Variants in NSDHL observed in about 807,000 individuals in gnomAD.
The protein encoded by NSDHL is NAD(P) dependent 3-beta-hydroxysteroid dehydrogenase NSDHL.
A neutral mutation model predicts 23.0 loss-of-function variants in NSDHL; 1 was observed. The observed-to-expected ratio is 0.04, with a 90% CI of 0.02 to 0.21. NSDHL has a LOEUF of 0.21. Ranked by LOEUF, NSDHL falls within the 10% of genes least tolerant of loss-of-function variation. The pLI, the probability that NSDHL is intolerant of heterozygous loss-of-function variation, is 1.00. For synonymous variants in NSDHL, 128 were observed against 121.1 expected (o/e 1.06, Z -0.37); for missense variants, 237 against 300.9 (o/e 0.79, Z 1.57).
At chrX:152,863,828 G>A (rs1933564695) in intron 5 of NSDHL, among the ~76,000 whole-genome samples, 1 of 111,906 alleles carries the variant, frequency 8.9e-6, no homozygotes, top group Middle Eastern at 4.2e-3. Context: ...AGGTTTTCTC[G>A]CAAAGCCGGT....
At chrX:152,844,548 C>T (rs1556845297) in intron 1 of NSDHL, among the ~76,000 whole-genome samples, 3 of 112,802 alleles carry the variant, frequency 2.7e-5, no homozygotes, top group African/African-American at 9.7e-5. Context: ...GAGCCATCTC[C>T]TTGCCCCTGT....
At chrX:152,854,041 A>T (rs1168913868) in intron 3 of NSDHL, among the ~76,000 whole-genome samples, 1 of 112,500 alleles carries the variant, frequency 8.9e-6, no homozygotes, top group African/African-American at 3.2e-5. Flanking sequence ...TTGTTTTTCG[A>T]TCACTGCTTT....
At chrX:152,860,855 G>A (rs914896916) in intron 4 of NSDHL, among the ~76,000 whole-genome samples, 4 of 112,388 alleles carry the variant, frequency 3.6e-5, no homozygotes, top group Non-Finnish European at 7.5e-5. Flanking sequence ...TGTAGCCATG[G>A]ATAGCAATTC....
intron 1 of NSDHL, among the ~76,000 whole-genome samples, chrX:152,839,430 C>T (rs782677717): frequency 1.8e-5 from 2 of 112,321 alleles, no homozygotes; most frequent in African/African-American, 6.5e-5. Flanking sequence ...TTTGCAGTGG[C>T]TGGTACCAGT....
chrX:152,857,856 A>C (rs1192037539), intron 3 of NSDHL, among the ~76,000 whole-genome samples: 5 of 112,104 alleles, frequency 4.5e-5, no homozygotes, highest in African/African-American at 1.6e-4. Flanking sequence ...GTTTCAAAAA[A>C]AAAATCATGT....
intron 7 of NSDHL, among the ~76,000 whole-genome samples, chrX:152,868,144 C>CTT (rs369750154): frequency 2.0e-5 from 2 of 98,272 alleles, no homozygotes; most frequent in South Asian, 4.5e-4. Context: ...TTTTTTTTTT[C>CTT]TTTTTTTTTT....
At chrX:152,835,757 C>T (rs782005539) in intron 1 of NSDHL, among the ~76,000 whole-genome samples, 105 of 111,906 alleles carry the variant, frequency 9.4e-4, no homozygotes, top group African/African-American at 2.6e-3. Context: ...CCACAATAAA[C>T]ATATGTGTGC....
chrX:152,858,905 G>A lies in NSDHL; in HGVS notation c.403G>A (p.Ala135Thr). 7 of 1,208,519 alleles carry A rather than the reference G, an allele frequency of 5.8e-6. No homozygotes were observed. The highest frequency in any genetic ancestry group is 5.2e-5 in the African/African-American group (3 of 57,734). Residue 135 changes from alanine to threonine, a missense_variant, in exon 4 of 8, where the codon GCT becomes ACT. By Grantham distance (58) the Ala-to-Thr change is moderately conservative. This residue lies in a region of NSDHL where 81 missense variants were observed against 103.3 expected (regional missense o/e 0.78). Transcript: ENST00000370274. ...TKNVIETCKE[A>T]GVQKLILTSS... ...GAATGTCATTGAAACTTGCAAAGAG[G>A]CTGGGGTTCAGGTAAGGGGAAGGCT...
Position 152,869,179 on chromosome X carries a change from T to C in NSDHL, c.*63T>C. The C allele has an allele frequency of 1.1e-6, 1 of 934,034 alleles. No homozygotes were observed. Among genetic ancestry groups the C allele is most frequent in the East Asian group, 3.2e-5 (1 of 31,598 alleles). The allele number at this position is 934,034 out of a possible 1,213,427, so 77.0% of individuals were successfully genotyped here. ...AGCCAGTCACTCCTTCCCCTGTGGA[T>C]TGATGAAATAACATCCTTTGAATGA... is the stretch of plus-strand genomic sequence containing the variant. On this transcript the variant is annotated 3_prime_UTR_variant, in exon 8 of 8. Transcript: ENST00000370274.
chrX:152,836,937 A>G, intron 1 of NSDHL, among the ~76,000 whole-genome samples: 1 of 112,368 alleles, frequency 8.9e-6, no homozygotes, highest in African/African-American at 3.2e-5. Flanking sequence ...ATTCATGAGC[A>G]TGGAATGTTC....
At chrX:152,842,618 C>T (rs1204724293) in intron 1 of NSDHL, among the ~76,000 whole-genome samples, 1 of 111,871 alleles carries the variant, frequency 8.9e-6, no homozygotes, top group Non-Finnish European at 1.9e-5. Flanking sequence ...TCTCCTGCCT[C>T]AGCCTCCCGA....
intron 2 of NSDHL, among the ~76,000 whole-genome samples, chrX:152,849,278 A>C (rs782423118): frequency 2.7e-5 from 3 of 112,193 alleles, no homozygotes; most frequent in Non-Finnish European, 5.6e-5. Flanking sequence ...TCATTTCCAC[A>C]AACCCAAGTT....
intron 3 of NSDHL, 152 bp downstream of exon 3, chrX:152,850,575 C>G: frequency 1.8e-6 from 1 of 562,051 alleles, no homozygotes; most frequent in Non-Finnish European, 3.1e-6. Context: ...CACATTCTTA[C>G]TGCTTAGAAT....
intron 1 of NSDHL, among the ~76,000 whole-genome samples, chrX:152,840,682 C>T (rs1425695877): frequency 8.9e-6 from 1 of 111,916 alleles, no homozygotes; most frequent in African/African-American, 3.3e-5. Flanking sequence ...CTGGGAGCTT[C>T]GTGCCAGAGG....
At chrX:152,848,083 C>T (rs145437990) in intron 2 of NSDHL, among the ~76,000 whole-genome samples, 2,939 of 110,211 alleles carry the variant, frequency 0.027, 92 homozygotes, top group African/African-American at 0.092. Context: ...AGGCTGGTCT[C>T]GAACCCCTGA....
At chrX:152,849,632 G>A (rs1933324969) in intron 2 of NSDHL, among the ~76,000 whole-genome samples, 1 of 112,447 alleles carries the variant, frequency 8.9e-6, no homozygotes, top group Non-Finnish European at 1.9e-5. Flanking sequence ...AGAGCCCTGG[G>A]CTCATCCATC....
chrX:152,855,618 T>C (rs1425311946), intron 3 of NSDHL, among the ~76,000 whole-genome samples: 1 of 111,571 alleles, frequency 9.0e-6, no homozygotes, highest in Non-Finnish European at 1.9e-5. Context: ...GTGCTGGACA[T>C]ATGGTGGTCT....
chrX:152,868,936 C>T lies in NSDHL; in HGVS notation c.942C>T (p.Ile314=), dbSNP rs35375481. 1.4e-3 allele frequency: 1,728 copies of T among 1,210,585 alleles called. 14 individuals carry two copies. The African/African-American group carries it at 0.026, about 18-fold the overall frequency. Residue 314 remains isoleucine, a synonymous_variant, in exon 8 of 8, where the codon ATC becomes ATT. Coordinates refer to ENST00000370274, the MANE Select transcript of NSDHL (RefSeq NM_015922.3). The part of the protein sequence containing the change: ...ALLLSLLVMV[I]SPVIQLQPTF... ...TGCTATCCCTGCTGGTGATGGTGAT[C>T]AGTCCTGTCATCCAGCTGCAGCCCA...
At chrX:152,844,511 G>A (rs1330658501) in intron 1 of NSDHL, among the ~76,000 whole-genome samples, 1 of 112,599 alleles carries the variant, frequency 8.9e-6, no homozygotes, top group Non-Finnish European at 1.9e-5. Flanking sequence ...GGTCAATAAG[G>A]CCTTGGTGGG....
Sources: allele counts gnomAD v4.1 joint callset (sites outside exome capture counted in the v4.1 genomes callset), GRCh38; gene constraint gnomAD v4.1.1; regional missense constraint gnomAD v4.1.1; transcripts MANE v1.5; gene names NCBI Gene and HGNC (gene_info 2026-07-23, HGNC 2026-07-21).